Variants in THTPA observed in about 807,000 individuals in gnomAD.
The protein encoded by THTPA is thiamine-triphosphatase.
THTPA carries 16 observed loss-of-function variants against 16.5 expected under a neutral mutation model. That is an observed-to-expected ratio of 0.97 (90% CI 0.66 to 1.47). The LOEUF is 1.47. THTPA is among the 40% of genes most tolerant of loss of function. THTPA has a pLI of 0.00. For missense variants in THTPA, 281 were observed against 280.9 expected (o/e 1.00, Z 0.00); for synonymous variants, 110 against 115.5 (o/e 0.95, Z 0.30).
At chr14:23,521,938 C>G in the THTPA span, 153 of 1,535,544 alleles carry the variant, frequency 1.0e-4, no homozygotes, top group African/African-American at 1.1e-3. Flanking sequence ...AGGCCCTCCC[C>G]TCTCCCCATC....
chr14:23,527,547 C>T, the THTPA span: 3 of 1,530,526 alleles, frequency 2.0e-6, no homozygotes, highest in Non-Finnish European at 2.6e-6. Context: ...TCTTCCTCCC[C>T]TCCTGCACAG....
the THTPA span, among the ~76,000 whole-genome samples, chr14:23,535,541 T>C: frequency 6.6e-6 from 1 of 152,202 alleles, no homozygotes; most frequent in Non-Finnish European, 1.5e-5. This position sits in a 1 kb window ranked among gnomAD's most constrained non-coding sequence, Gnocchi z 4.5. Flanking sequence ...CAAAACTTAA[T>C]ATGTCCAACA....
chr14:23,558,483 G>T (rs1386672321), intron 1 of THTPA, among the ~76,000 whole-genome samples: 1 of 152,200 alleles, frequency 6.6e-6, no homozygotes, highest in East Asian at 1.9e-4. Flanking sequence ...GTGGCTTCTA[G>T]TCCCACTCTT....
At chr14:23,529,537 G>A in the THTPA span, 2 of 655,552 alleles carry the variant, frequency 3.1e-6, no homozygotes, top group East Asian at 2.8e-5. Context: ...GGCCAGCTCT[G>A]CCCCCGAAAG....
the THTPA span, among the ~76,000 whole-genome samples, chr14:23,550,405 G>A: frequency 1.3e-5 from 2 of 152,218 alleles, no homozygotes; most frequent in Admixed American, 1.3e-4. Context: ...AGAGGGCATG[G>A]AATCCTAGAC....
chr14:23,540,853 A>G, the THTPA span, among the ~76,000 whole-genome samples: 1 of 152,098 alleles, frequency 6.6e-6, no homozygotes, highest in Non-Finnish European at 1.5e-5. Context: ...AGAGTGGAGC[A>G]TGGTGTTTGC....
At chr14:23,525,259 C>G in the THTPA span, 8 of 1,536,030 alleles carry the variant, frequency 5.2e-6, no homozygotes, top group South Asian at 1.2e-5. This position sits in a 1 kb window ranked among gnomAD's most constrained non-coding sequence, Gnocchi z 5.9. Context: ...GGGCACGGGT[C>G]CCCCCTGCCT....
At chr14:23,519,594 C>CT in the THTPA span, among the ~76,000 whole-genome samples, 3 of 152,092 alleles carry the variant, frequency 2.0e-5, no homozygotes, top group African/African-American at 7.2e-5. Flanking sequence ...AATTACAAAA[C>CT]TAACTCCGCC....
the THTPA span, chr14:23,523,998 G>T: frequency 1.3e-6 from 2 of 1,523,152 alleles, no homozygotes; most frequent in South Asian, 2.4e-5. The surrounding 1 kb of genome is among the most constrained non-coding windows in gnomAD (Gnocchi z 4.1). Context: ...TTCCCAGGTG[G>T]TAGGAAAGGC....
At chr14:23,557,326 G>A in intron 1 of THTPA, 22 bp downstream of exon 1, 11 of 1,554,882 alleles carry the variant, frequency 7.1e-6, no homozygotes, top group Non-Finnish European at 9.5e-6. Context: ...AGGCCCTTTT[G>A]TGCTTTTCCT....
At chr14:23,542,228 G>C in the THTPA span, 1 of 152,554 alleles carries the variant, frequency 6.6e-6, no homozygotes, top group Non-Finnish European at 1.5e-5. Context: ...CAAGGAGGCT[G>C]TCTCTTGCAC....
At chr14:23,520,773 T>C in the THTPA span, 1 of 109,370 alleles carries the variant, frequency 9.1e-6, no homozygotes, top group East Asian at 2.9e-4. This position sits in a 1 kb window ranked among gnomAD's most constrained non-coding sequence, Gnocchi z 8.7. Flanking sequence ...AAAGATGAGG[T>C]GGTTTAAAGA....
the THTPA span, among the ~76,000 whole-genome samples, chr14:23,535,739 T>C: frequency 6.6e-6 from 1 of 152,028 alleles, no homozygotes; most frequent in African/African-American, 2.4e-5. This position sits in a 1 kb window ranked among gnomAD's most constrained non-coding sequence, Gnocchi z 4.5. Flanking sequence ...ATTACAGGCT[T>C]GTGCCACCAC....
At position 23,558,703 on chromosome 14, in the gene THTPA, G is replaced by T; in HGVS notation, c.556G>T (p.Ala186Ser). ...TGTCCTTTTACCTGTAGGTGTGCCTGCACAGGAGACAGCACCAGCCAAGCT... is the reference window on the plus strand; with the variant it reads ...TGTCCTTTTACCTGTAGGTGTGCCTTCACAGGAGACAGCACCAGCCAAGCT... ...HRLSSMLGVPAQETAPAKLIV... is the reference protein window; with the variant it reads ...HRLSSMLGVPSQETAPAKLIV... Residue 186 changes from alanine (A) to serine (S), a missense_variant, in exon 2 of 2, where the codon GCA becomes TCA. Coordinates refer to ENST00000288014, the MANE Select transcript of THTPA (RefSeq NM_024328.6). The T allele has an allele frequency of 3.1e-6, 5 of 1,614,218 alleles. No homozygotes were observed. Among genetic ancestry groups the T allele is most frequent in the Non-Finnish European group, 3.4e-6 (4 of 1,180,052 alleles).
At chr14:23,544,846 C>T in the THTPA span, among the ~76,000 whole-genome samples, 2 of 152,200 alleles carry the variant, frequency 1.3e-5, no homozygotes, top group African/African-American at 4.8e-5. Context: ...CGCCATTTCT[C>T]CATTCCACTT....
chr14:23,539,019 G>T, the THTPA span, among the ~76,000 whole-genome samples: 1 of 152,122 alleles, frequency 6.6e-6, no homozygotes, highest in Admixed American at 6.6e-5. Context: ...CCAAGGGAGG[G>T]CGGAGAGTTC....
At chr14:23,519,364 C>T in the THTPA span, among the ~76,000 whole-genome samples, 3 of 152,106 alleles carry the variant, frequency 2.0e-5, no homozygotes, top group Non-Finnish European at 4.4e-5. Context: ...AAGTCACATT[C>T]CCAGAAAGCA....
the THTPA span, chr14:23,522,060 C>T: frequency 3.3e-6 from 5 of 1,536,332 alleles, no homozygotes; most frequent in Non-Finnish European, 4.4e-6. Flanking sequence ...GCAGCCGAGG[C>T]AGCAGTGGCG....
chr14:23,556,797 C>T lies in THTPA; in HGVS notation c.40C>T (p.Pro14Ser), dbSNP rs374037612. ...GLIEVERKFL[P>S]GPGTEERLQE... ...GATTGAGGTGGAGCGAAAGTTCCTT[C>T]CAGGGCCTGGCACAGAGGAGCGGCT... Residue 14 changes from proline (P) to serine (S), a missense_variant, in exon 1 of 2, where the codon CCA becomes TCA. Pro to Ser is a moderately conservative substitution (Grantham distance 74). Coordinates refer to ENST00000288014, the MANE Select transcript of THTPA (RefSeq NM_024328.6). 4 of 1,613,480 alleles carry T rather than the reference C, an allele frequency of 2.5e-6. No homozygotes were observed. Among genetic ancestry groups the T allele is most frequent in the African/African-American group, 1.3e-5 (1 of 74,886 alleles).
Sources: gnomAD v4.1 joint callset for allele counts (sites outside exome capture counted in the v4.1 genomes callset) on GRCh38, gnomAD v4.1.1 for gene constraint, Gnocchi (gnomAD v3.1) non-coding constraint, MANE v1.5 for transcripts, NCBI Gene and HGNC (gene_info 2026-07-23, HGNC 2026-07-21) for gene names.